Variants in HIBADH observed in about 807,000 individuals in gnomAD.
HIBADH encodes 3-hydroxyisobutyrate dehydrogenase.
Under a neutral mutation model 36.1 loss-of-function variants are expected in HIBADH, and 25 were observed. That is an observed-to-expected ratio of 0.69 (90% CI 0.50 to 0.97). HIBADH has a LOEUF of 0.97. HIBADH is among the 50% of genes least tolerant of loss of function. HIBADH has a pLI of 0.00. For missense variants in HIBADH, 421 were observed against 418.0 expected, an observed-to-expected ratio of 1.01 and a Z score of -0.06; for synonymous variants, 160 against 149.5, an observed-to-expected ratio of 1.07 and a Z score of -0.51.
intron 4 of HIBADH, among the ~76,000 whole-genome samples, chr7:27,584,366 A>G (rs534959031): frequency 6.6e-6 from 1 of 152,206 alleles, no homozygotes; most frequent in Non-Finnish European, 1.5e-5. Flanking sequence ...AGAAACTCAC[A>G]TTCTTTAACT....
At position 27,601,902 on chromosome 7, in the gene HIBADH, G is replaced by C. The variant is rs148968270; in HGVS notation, c.484+27469C>G. Among the ~76,000 whole-genome samples the C allele has an allele frequency of 2.0e-3, 299 of 152,158 alleles. 1 individual carries two copies. The highest frequency in any genetic ancestry group is 4.9e-3 in the Admixed American group (75 of 15,296). On this transcript the variant is annotated intron_variant, in intron 4 of 7. Coordinates refer to ENST00000265395, the MANE Select transcript of HIBADH (RefSeq NM_152740.4). ...TAATAATTCTTTCTATATTTTGATT[G>C]TGGGTATTGTGTGGGAGTGGGGTCA...
intron 2 of HIBADH, among the ~76,000 whole-genome samples, chr7:27,640,770 C>T (rs11973492): frequency 0.76 from 115,286 of 152,074 alleles, 44,133 homozygotes; most frequent in East Asian, 0.94. Context: ...TTCTTCTAGG[C>T]TACAAACCTG....
At chr7:27,643,840 A>G (rs1401873221) in intron 2 of HIBADH, among the ~76,000 whole-genome samples, 7 of 152,184 alleles carry the variant, frequency 4.6e-5, no homozygotes, top group South Asian at 2.1e-4. Flanking sequence ...TGGCAGCAGC[A>G]TAACTCTAAT....
At chr7:27,591,429 T>C (rs1272898147) in intron 4 of HIBADH, among the ~76,000 whole-genome samples, 2 of 152,058 alleles carry the variant, frequency 1.3e-5, no homozygotes, top group Non-Finnish European at 2.9e-5. Flanking sequence ...CAGGTGCCTG[T>C]AGTCCCAGCT....
intron 3 of HIBADH, among the ~76,000 whole-genome samples, chr7:27,631,597 G>T (rs374540993): frequency 6.6e-6 from 1 of 152,232 alleles, no homozygotes; most frequent in Non-Finnish European, 1.5e-5. Flanking sequence ...TAACATAACC[G>T]CAAGGGTTTG....
chr7:27,556,987 A>G (rs1457858747), intron 4 of HIBADH, among the ~76,000 whole-genome samples: 1 of 152,140 alleles, frequency 6.6e-6, no homozygotes, highest in African/African-American at 2.4e-5. Flanking sequence ...AAAAATTTTT[A>G]AAATTAGCTG....
At chr7:27,584,829 T>C (rs1452687588) in intron 4 of HIBADH, among the ~76,000 whole-genome samples, 2 of 152,224 alleles carry the variant, frequency 1.3e-5, no homozygotes, top group East Asian at 3.9e-4. Context: ...TACCACTGTC[T>C]TGACTCTTGC....
rs544622100 is a variant in HIBADH, at chr7:27,632,203, C to T, written c.362+133G>A. ...GCCTTTTACAATGAGAAAACCACCA[C>T]ACTATTCACTTTATGAAATAAAAAC... On this transcript the variant is annotated intron_variant, in intron 3 of 7. Coordinates refer to ENST00000265395, the MANE Select transcript of HIBADH (RefSeq NM_152740.4). 47 of 613,354 alleles carry T rather than the reference C, an allele frequency of 7.7e-5. No homozygotes were observed. The South Asian group carries it at 1.0e-3, about 13-fold the overall frequency. 38.0% of individuals were successfully genotyped at this position (613,354 alleles called of 1,614,324 possible).
intron 4 of HIBADH, among the ~76,000 whole-genome samples, chr7:27,567,799 A>G (rs1784569202): frequency 6.6e-6 from 1 of 152,204 alleles, no homozygotes; most frequent in South Asian, 2.1e-4. Context: ...CATCTGTATT[A>G]CATTTACATA....
chr7:27,636,268 G>C (rs1055963444), intron 2 of HIBADH, among the ~76,000 whole-genome samples: 3 of 152,188 alleles, frequency 2.0e-5, no homozygotes, highest in African/African-American at 7.2e-5. Flanking sequence ...AACCAGATGG[G>C]TAACAGAAAT....
chr7:27,659,810 C>A lies in HIBADH; in HGVS notation c.91+2888G>T, dbSNP rs548594744. 2.6e-5 allele frequency among the ~76,000 whole-genome samples: 4 copies of A among 152,324 alleles called. No homozygotes were observed. The East Asian group carries it at 7.7e-4, about 29-fold the overall frequency. On this transcript the variant is annotated intron_variant, in intron 1 of 7. Coordinates refer to ENST00000265395, the MANE Select transcript of HIBADH (RefSeq NM_152740.4). ...CAGTGGCTAATGCCTGTAAGCCCAACACTTTGGGAGGTCAAGGCAAGAGGA... is the reference window on the plus strand; with the variant it reads ...CAGTGGCTAATGCCTGTAAGCCCAAAACTTTGGGAGGTCAAGGCAAGAGGA...
At chr7:27,568,127 TTC>T (rs35937817) in intron 4 of HIBADH, among the ~76,000 whole-genome samples, 32,116 of 152,078 alleles carry the variant, frequency 0.21, 4,348 homozygotes, top group East Asian at 0.48. Context: ...TGCTTACAAT[TTC>T]TGTTTCTCTT....
intron 4 of HIBADH, among the ~76,000 whole-genome samples, chr7:27,591,874 T>A (rs966189474): frequency 6.6e-6 from 1 of 152,210 alleles, no homozygotes; most frequent in African/African-American, 2.4e-5. Context: ...TCAATGTAAA[T>A]GCTTTTCTGA....
chr7:27,536,897 A>G (rs527846573), intron 6 of HIBADH, among the ~76,000 whole-genome samples: 1 of 152,214 alleles, frequency 6.6e-6, no homozygotes, highest in South Asian at 2.1e-4. Flanking sequence ...CTTTTACTTT[A>G]TATAATCATT....
At chr7:27,603,272 T>G (rs1785163842) in intron 4 of HIBADH, among the ~76,000 whole-genome samples, 1 of 152,186 alleles carries the variant, frequency 6.6e-6, no homozygotes, top group African/African-American at 2.4e-5. Context: ...ATGATGCTGC[T>G]GCATTTTACC....
intron 1 of HIBADH, 88 bp from the exon 2 acceptor site, chr7:27,649,721 T>C: frequency 8.4e-7 from 1 of 1,196,002 alleles, no homozygotes; most frequent in Non-Finnish European, 1.1e-6. Context: ...ATTGTTAGAT[T>C]TTTTTTTTTT....
rs531212718 is a variant in HIBADH, at chr7:27,570,643, T to C, written c.485-27543A>G. 2.0e-5 allele frequency among the ~76,000 whole-genome samples: 3 copies of C among 150,320 alleles called. No homozygotes were observed. The East Asian group carries it at 5.9e-4, about 30-fold the overall frequency. On this transcript the variant is annotated intron_variant, in intron 4 of 7. Coordinates refer to ENST00000265395, the MANE Select transcript of HIBADH (RefSeq NM_152740.4). ...GACTATATATAGTTGTCCAAATTCATCAATCTCTACACTTCAAACAGGTAA... is the reference window on the plus strand; with the variant it reads ...GACTATATATAGTTGTCCAAATTCACCAATCTCTACACTTCAAACAGGTAA...
intron 4 of HIBADH, among the ~76,000 whole-genome samples, chr7:27,601,305 T>A (rs1250883020): frequency 6.6e-6 from 1 of 152,088 alleles, no homozygotes; most frequent in East Asian, 1.9e-4. Context: ...TTGAGAGGGA[T>A]TAAAAATACT....
At chr7:27,543,727 C>A (rs1880371) in intron 4 of HIBADH, among the ~76,000 whole-genome samples, 7,361 of 152,158 alleles carry the variant, frequency 0.048, 583 homozygotes, top group African/African-American at 0.17. Flanking sequence ...TTTTCTTTTC[C>A]TTCCTGCTAT....
Sources: allele counts gnomAD v4.1 joint callset (sites outside exome capture counted in the v4.1 genomes callset), GRCh38; gene constraint gnomAD v4.1.1; transcripts MANE v1.5; gene names NCBI Gene and HGNC (gene_info 2026-07-23, HGNC 2026-07-21).